Variants in ELAVL3 observed in about 807,000 individuals in gnomAD.
ELAVL3 encodes ELAV like RNA binding protein 3.
In ELAVL3, 8 loss-of-function variants were observed where a neutral mutation model predicts 34.2. The observed-to-expected ratio is 0.23, with a 90% CI of 0.14 to 0.42. The LOEUF (loss-of-function observed/expected upper bound fraction) is 0.42, where lower values mean the gene tolerates loss of function less well. ELAVL3 is among the 10% of genes least tolerant of loss of function. The pLI is 1.00. For synonymous variants in ELAVL3, 209 were observed against 222.1 expected, an observed-to-expected ratio of 0.94 and a Z score of 0.53; for missense variants, 273 against 518.8, an observed-to-expected ratio of 0.53 and a Z score of 4.60.
At chr19:11,462,174 C>CAAAA (rs775716481) in intron 3 of ELAVL3, among the ~76,000 whole-genome samples, 2,402 of 73,618 alleles carry the variant, frequency 0.033, 132 homozygotes, top group African/African-American at 0.083. Flanking sequence ...GACTCCGTCT[C>CAAAA]AAAAAAAAAA....
rs373748733 is a variant in ELAVL3, at chr19:11,465,258, G to A, written c.333+914C>T. Among the ~76,000 whole-genome samples, 41 of 49,964 alleles carry A rather than the reference G, an allele frequency of 8.2e-4. 1 individual carries two copies. The highest frequency in any genetic ancestry group is 4.0e-3 in the East Asian group (7 of 1,756). 32.8% of individuals were successfully genotyped at this position (49,964 alleles called of 152,430 possible). A position where few individuals can be genotyped will look rare whatever the true frequency, so the allele number is the denominator to read the frequency against. On this transcript the variant is annotated intron_variant, in intron 3 of 6. Transcript: ENST00000359227. ...ACCGCACACCACACACATACACACC[G>A]CACACATACACCACACACATACACA...
chr19:11,480,744 A>C lies in ELAVL3; in HGVS notation c.-136T>G. ...GCGGCCGCTGCAGATGTGGCGATGA[A>C]GGCGGCGGCTCCCTCGAGGGCCAGG... On this transcript the variant is annotated 5_prime_UTR_variant, in exon 1 of 7. Coordinates refer to ENST00000359227, the MANE Select transcript of ELAVL3 (RefSeq NM_001420.4). The surrounding 1 kb of genome is among the most constrained non-coding windows in gnomAD (Gnocchi z 6.8). The C allele has an allele frequency of 1.2e-6, 1 of 837,152 alleles. No individual in the cohort carries two copies. The highest frequency in any genetic ancestry group is 1.7e-6 in the Non-Finnish European group (1 of 598,624). 51.9% of individuals were successfully genotyped at this position (837,152 alleles called of 1,614,324 possible). A position where few individuals can be genotyped will look rare whatever the true frequency, so the allele number is the denominator to read the frequency against.
At chr19:11,462,237 A>C (rs912330331) in intron 3 of ELAVL3, among the ~76,000 whole-genome samples, 1 of 151,518 alleles carries the variant, frequency 6.6e-6, no homozygotes, top group East Asian at 1.9e-4. Context: ...AAGCAGTTTG[A>C]GAGTGAATGG....
At chr19:11,473,092 G>T (rs1428176376) in intron 1 of ELAVL3, among the ~76,000 whole-genome samples, 3 of 149,252 alleles carry the variant, frequency 2.0e-5, no homozygotes, top group African/African-American at 7.4e-5. Context: ...GAGGCAGGGC[G>T]CGGTGGCTCA....
intron 1 of ELAVL3, among the ~76,000 whole-genome samples, chr19:11,473,259 G>A (rs528205454): frequency 6.1e-4 from 92 of 151,956 alleles, no homozygotes; most frequent in African/African-American, 2.1e-3. Context: ...CAGCTACTCC[G>A]GAGGCTGAGG....
intron 6 of ELAVL3, among the ~76,000 whole-genome samples, chr19:11,456,757 A>G (rs311789): frequency 0.32 from 48,581 of 151,808 alleles, 11,055 homozygotes; most frequent in African/African-American, 0.65. Flanking sequence ...TCCAACTCCT[A>G]GGCTCAAGCG....
rs1294887740 is a variant in ELAVL3 at position 11,452,548 on chromosome 19, CTGTT to C, written c.*1974_*1977del. 9.0e-6 allele frequency: 1 copy of C among 111,554 alleles called. No homozygotes were observed. Among genetic ancestry groups the C allele is most frequent in the African/African-American group, 3.4e-5 (1 of 29,574 alleles). 6.9% of individuals were successfully genotyped at this position (111,554 alleles called of 1,614,324 possible). A position where few individuals can be genotyped will look rare whatever the true frequency, so the allele number is the denominator to read the frequency against. On this transcript the variant is annotated 3_prime_UTR_variant, in exon 7 of 7. Transcript: ENST00000359227. ...TTTTTTGTTGCTTTTTTTTCCTCTTCTGTTTGTGTTTTTTTGTCGCTTTTTTGAT... is the reference window on the plus strand; with the variant it reads ...TTTTTTGTTGCTTTTTTTTCCTCTTCTGTGTTTTTTTGTCGCTTTTTTGAT...
At chr19:11,469,466 G>C (rs1351159678) in intron 1 of ELAVL3, among the ~76,000 whole-genome samples, 1 of 151,898 alleles carries the variant, frequency 6.6e-6, no homozygotes. Flanking sequence ...TTTTAGTAGA[G>C]GCGGGGTTTC....
Position 11,466,332 on chromosome 19 carries a change from C to G in ELAVL3, c.230-57G>C. ...ACCCAGCCTTGACACCTGCCAGTGT[C>G]CCACCTCAGGCCTGAGAGACTGTCC... On this transcript the variant is annotated intron_variant, in intron 2 of 6. Transcript: ENST00000359227. This position sits in a 1 kb window ranked among gnomAD's most constrained non-coding sequence, Gnocchi z 5.0. The G allele has an allele frequency of 4.0e-6, 6 of 1,512,096 alleles. No homozygotes were observed. In the South Asian group the frequency reaches 6.7e-5, roughly 17 times the overall value. 93.7% of individuals were successfully genotyped at this position (1,512,096 alleles called of 1,614,324 possible). A position where few individuals can be genotyped will look rare whatever the true frequency, so the allele number is the denominator to read the frequency against.
At position 11,480,477 on chromosome 19, in the gene ELAVL3, C is replaced by G. The variant is rs540310977; in HGVS notation, c.9+123G>C. The G allele has an allele frequency of 2.5e-6, 3 of 1,182,200 alleles. No homozygotes were observed. Among genetic ancestry groups the G allele is most frequent in the Non-Finnish European group, 3.3e-6 (3 of 897,998 alleles). The allele number at this position is 1,182,200 out of a possible 1,614,324, so 73.2% of individuals were successfully genotyped here. On this transcript the variant is annotated intron_variant, in intron 1 of 6. Coordinates refer to ENST00000359227, the MANE Select transcript of ELAVL3 (RefSeq NM_001420.4). This position sits in a 1 kb window ranked among gnomAD's most constrained non-coding sequence, Gnocchi z 6.8. ...TCAGGCCCCGAGGCTTGGTCCTACC[C>G]CCCCAACCCGGGCCTAGCTAGGCCT... is the stretch of plus-strand genomic sequence containing the variant.
chr19:11,473,729 G>A (rs1971211432), intron 1 of ELAVL3, among the ~76,000 whole-genome samples: 1 of 152,160 alleles, frequency 6.6e-6, no homozygotes, highest in Non-Finnish European at 1.5e-5. Flanking sequence ...GGTGGAACAG[G>A]GATTTGCATA....
In ELAVL3 at chr19:11,472,584, C is replaced by G. The variant is rs117859679; in HGVS notation, c.10-5757G>C. 5.2e-4 allele frequency among the ~76,000 whole-genome samples: 79 copies of G among 151,314 alleles called. 3 individuals are homozygous for G. In the East Asian group the frequency reaches 0.015, roughly 29 times the overall value. ...GTCATGGTGGCTTGCACCTGTGGTC[C>G]CAGGTACTCAGGATGGTGAGACAGG... On this transcript the variant is annotated intron_variant, in intron 1 of 6. Coordinates refer to ENST00000359227, the MANE Select transcript of ELAVL3 (RefSeq NM_001420.4).
intron 1 of ELAVL3, among the ~76,000 whole-genome samples, chr19:11,479,541 G>C (rs1971330199): frequency 6.6e-6 from 1 of 151,998 alleles, no homozygotes; most frequent in Non-Finnish European, 1.5e-5. Context: ...GGCAGGGGCG[G>C]GGGTGGAGCC....
rs111604507 is a variant in ELAVL3 at position 11,471,641 on chromosome 19, AT to A, written c.10-4815del. On this transcript the variant is annotated intron_variant, in intron 1 of 6. Coordinates refer to ENST00000359227, the MANE Select transcript of ELAVL3 (RefSeq NM_001420.4). ...AAAAAAAAATTTTTTTTTTGTAGAG[AT>A]GGGGTGTCACTATGTCGCCCAGGCT... is the stretch of plus-strand genomic sequence containing the variant. 9.4e-3 allele frequency among the ~76,000 whole-genome samples: 1,418 copies of A among 151,320 alleles called. 16 individuals carry two copies. The highest frequency in any genetic ancestry group is 0.032 in the African/African-American group (1,338 of 41,288).
At position 11,451,478 on chromosome 19, in the gene ELAVL3, T is replaced by G. The variant is rs1017601175; in HGVS notation, c.*3048A>C. On this transcript the variant is annotated 3_prime_UTR_variant, in exon 7 of 7. Transcript: ENST00000359227. The stretch of plus-strand genomic sequence containing the variant: ...TTCTTGTTGGGTTTTTTTTTTTTTT[T>G]TGTCTTTTGTTTTGTCTTTTTTTTT... 4 of 150,634 alleles carry G rather than the reference T, an allele frequency of 2.7e-5. No individual in the cohort carries two copies. Among genetic ancestry groups the G allele is most frequent in the African/African-American group, 4.8e-5 (2 of 41,300 alleles). The allele number at this position is 150,634 out of a possible 1,614,324, so 9.3% of individuals were successfully genotyped here. A position where few individuals can be genotyped will look rare whatever the true frequency, so the allele number is the denominator to read the frequency against.
intron 3 of ELAVL3, among the ~76,000 whole-genome samples, chr19:11,464,677 A>ACAT (rs1396177133): frequency 0.042 from 3,860 of 91,568 alleles, 143 homozygotes; most frequent in African/African-American, 0.12. Context: ...CACACATCAC[A>ACAT]CACACACCCC....
rs1356226604 is a variant in ELAVL3, at chr19:11,453,956, C to G, written c.*570G>C. ...AGAGTTTTTCTTCCCCTCCCACCCC[C>G]CTTTTTTTTTCATTTTGTTTCTGCT... On this transcript the variant is annotated 3_prime_UTR_variant, in exon 7 of 7. Transcript: ENST00000359227. The G allele has an allele frequency of 2.6e-5, 4 of 151,784 alleles. No individual in the cohort carries two copies. The allele number at this position is 151,784 out of a possible 1,614,324, so 9.4% of individuals were successfully genotyped here. A position where few individuals can be genotyped will look rare whatever the true frequency, so the allele number is the denominator to read the frequency against.
chr19:11,467,301 A>G (rs564043335), intron 1 of ELAVL3, among the ~76,000 whole-genome samples: 5 of 151,970 alleles, frequency 3.3e-5, no homozygotes, highest in African/African-American at 1.2e-4. Flanking sequence ...GCATGCCTGT[A>G]ATCCCAGCTA....
Position 11,458,940 on chromosome 19 carries a change from C to A in ELAVL3, c.334-329G>T, listed in dbSNP as rs2144881620. On this transcript the variant is annotated intron_variant, in intron 3 of 6. Coordinates refer to ENST00000359227, the MANE Select transcript of ELAVL3 (RefSeq NM_001420.4). The surrounding 1 kb of genome is among the most constrained non-coding windows in gnomAD (Gnocchi z 7.3). Reference sequence around the variant, plus strand: ...TATCACATGCTTGACAGTCCATCAACAAACATTGACCTTTTTTTTTTTTTA... The same window carrying A: ...TATCACATGCTTGACAGTCCATCAAAAAACATTGACCTTTTTTTTTTTTTA... Among the ~76,000 whole-genome samples the A allele has an allele frequency of 6.7e-6, 1 of 149,580 alleles. No individual in the cohort carries two copies. Among genetic ancestry groups the A allele is most frequent in the African/African-American group, 2.5e-5 (1 of 39,776 alleles).
Sources: allele counts gnomAD v4.1 joint callset (sites outside exome capture counted in the v4.1 genomes callset), GRCh38; gene constraint gnomAD v4.1.1; non-coding constraint Gnocchi (gnomAD v3.1); transcripts MANE v1.5; gene names NCBI Gene and HGNC (gene_info 2026-07-23, HGNC 2026-07-21).